Variants in MACROD2 observed in about 807,000 individuals in gnomAD.
MACROD2 encodes the protein mono-ADP ribosylhydrolase 2, also known as ADP-ribose glycohydrolase MACROD2.
A neutral mutation model predicts 70.4 loss-of-function variants in MACROD2; 36 were observed. The observed-to-expected ratio is 0.51, with a 90% confidence interval of 0.39 to 0.68. MACROD2 has a LOEUF of 0.68. MACROD2 is among the 30% of genes least tolerant of loss of function. MACROD2 has a pLI of 0.00. For synonymous variants in MACROD2, 172 were observed against 178.8 expected, an observed-to-expected ratio of 0.96 and a Z score of 0.30; for missense variants, 496 against 538.4, an observed-to-expected ratio of 0.92 and a Z score of 0.78.
intron 4 of MACROD2, among the ~76,000 whole-genome samples, chr20:14,505,717 G>A (rs983409056): frequency 1.1e-4 from 16 of 152,246 alleles, no homozygotes; most frequent in African/African-American, 3.1e-4. Context: ...AACAAGTTCC[G>A]TTTTAATGCT....
At chr20:15,844,262 A>T (rs2064205126) in intron 8 of MACROD2, among the ~76,000 whole-genome samples, 1 of 152,066 alleles carries the variant, frequency 6.6e-6, no homozygotes, top group African/African-American at 2.4e-5. Flanking sequence ...GAGAGATGCT[A>T]TGGTAATATA....
At chr20:16,027,360 C>T (rs2067095237) in intron 15 of MACROD2, among the ~76,000 whole-genome samples, 1 of 152,140 alleles carries the variant, frequency 6.6e-6, no homozygotes, top group African/African-American at 2.4e-5. Flanking sequence ...ATATTCAGAA[C>T]AAATTATGCT....
chr20:15,036,930 A>T (rs1221227922), intron 5 of MACROD2, among the ~76,000 whole-genome samples: 1 of 151,578 alleles, frequency 6.6e-6, no homozygotes, highest in African/African-American at 2.4e-5. Context: ...TAAATAATGT[A>T]ATCAATATTT....
At chr20:15,820,105 G>A (rs763843199) in intron 8 of MACROD2, among the ~76,000 whole-genome samples, 7 of 151,860 alleles carry the variant, frequency 4.6e-5, no homozygotes, top group Non-Finnish European at 1.0e-4. Context: ...TAGGAGAAGC[G>A]ACACTGTGTG....
At chr20:15,918,624 T>G (rs918152803) in intron 10 of MACROD2, among the ~76,000 whole-genome samples, 44 of 152,232 alleles carry the variant, frequency 2.9e-4, no homozygotes, top group Admixed American at 6.5e-5. Context: ...CAAGATCATC[T>G]GACATTAGTA....
intron 4 of MACROD2, among the ~76,000 whole-genome samples, chr20:14,574,386 T>C (rs1178175687): frequency 6.6e-6 from 1 of 152,148 alleles, no homozygotes; most frequent in Non-Finnish European, 1.5e-5. Flanking sequence ...CATTCATTCA[T>C]TCATTCATTC....
chr20:15,213,130 A>C (rs946917042), intron 5 of MACROD2, among the ~76,000 whole-genome samples: 2 of 152,218 alleles, frequency 1.3e-5, no homozygotes, highest in Non-Finnish European at 2.9e-5. Context: ...AGCCCATGCT[A>C]CACTGCTACC....
In MACROD2 at chr20:15,810,612, A is replaced by G. The variant is rs879264712; in HGVS notation, c.646-52133A>G. Among the ~76,000 whole-genome samples the G allele has an allele frequency of 5.7e-3, 870 of 152,356 alleles. 7 individuals carry two copies. Among genetic ancestry groups the G allele is most frequent in the Non-Finnish European group, 7.7e-3 (522 of 68,040 alleles). ...TTTAAAGTTCATATGGCACCAAAAA[A>G]GAGCCCGCATTGCCAAGTCAATCCT... On this transcript the variant is annotated intron_variant, in intron 8 of 17. Coordinates refer to ENST00000684519, the MANE Select transcript of MACROD2 (RefSeq NM_001351661.2).
At chr20:14,058,255 G>A (rs2053652627) in intron 2 of MACROD2, among the ~76,000 whole-genome samples, 1 of 152,006 alleles carries the variant, frequency 6.6e-6, no homozygotes, top group African/African-American at 2.4e-5. Context: ...TACTGCTTTA[G>A]TGTGAGGATA....
intron 15 of MACROD2, among the ~76,000 whole-genome samples, chr20:16,014,578 G>A (rs775106): frequency 0.22 from 33,867 of 152,116 alleles, 3,866 homozygotes; most frequent in South Asian, 0.3. Flanking sequence ...TGCTAGGGAA[G>A]ACTCTGATCA....
chr20:15,068,387 T>C (rs1346002598), intron 5 of MACROD2, among the ~76,000 whole-genome samples: 1 of 152,152 alleles, frequency 6.6e-6, no homozygotes, highest in African/African-American at 2.4e-5. Flanking sequence ...ACAGAACAAA[T>C]GCAGAAATGT....
intron 3 of MACROD2, among the ~76,000 whole-genome samples, chr20:14,440,861 A>G (rs1032593837): frequency 6.6e-6 from 1 of 152,136 alleles, no homozygotes; most frequent in African/African-American, 2.4e-5. Flanking sequence ...CCTCTATTCC[A>G]TAGAGTACCT....
chr20:15,093,396 T>C lies in MACROD2; in HGVS notation c.419-136544T>C, dbSNP rs2075806324. On this transcript the variant is annotated intron_variant, in intron 5 of 17. Transcript: ENST00000684519. ...ATTGTCCTTTTGTGATATCTTGCAC[T>C]TTTTCATTTTTATTTTTTCTTCTTT... Among the ~76,000 whole-genome samples the C allele has an allele frequency of 2.0e-5, 3 of 152,152 alleles. 1 individual carries two copies. The highest frequency in any genetic ancestry group is 2.0e-4 in the Admixed American group (3 of 15,274).
At chr20:15,856,406 T>C (rs1005830397) in intron 8 of MACROD2, among the ~76,000 whole-genome samples, 2 of 152,208 alleles carry the variant, frequency 1.3e-5, no homozygotes, top group Non-Finnish European at 2.9e-5. Context: ...TGCTTTTGTT[T>C]TTCTTTTTTA....
chr20:14,829,366 G>T (rs1426570137), intron 5 of MACROD2, among the ~76,000 whole-genome samples: 1 of 151,626 alleles, frequency 6.6e-6, no homozygotes, highest in African/African-American at 2.4e-5. Flanking sequence ...TCCTGACCTC[G>T]TGATCCACCC....
intron 8 of MACROD2, among the ~76,000 whole-genome samples, chr20:15,828,801 T>A (rs2064024465): frequency 6.6e-6 from 1 of 152,238 alleles, no homozygotes; most frequent in Non-Finnish European, 1.5e-5. Flanking sequence ...AAAAACTGGT[T>A]AACATTTAGT....
chr20:15,559,519 A>C (rs2048214765), intron 8 of MACROD2, among the ~76,000 whole-genome samples: 1 of 152,168 alleles, frequency 6.6e-6, no homozygotes, highest in African/African-American at 2.4e-5. Context: ...TATTCTTGCC[A>C]CCCCATAAAA....
intron 5 of MACROD2, among the ~76,000 whole-genome samples, chr20:14,824,470 T>A (rs187886561): frequency 6.6e-6 from 1 of 152,164 alleles, no homozygotes; most frequent in Admixed American, 6.5e-5. Context: ...CCATGTGCCA[T>A]CAGATGGGAT....
At chr20:16,025,091 G>C (rs567416759) in intron 15 of MACROD2, among the ~76,000 whole-genome samples, 4 of 152,314 alleles carry the variant, frequency 2.6e-5, no homozygotes, top group African/African-American at 9.6e-5. Flanking sequence ...ACATGAACAA[G>C]AAAAGGATTA....
Sources: allele counts gnomAD v4.1 joint callset (sites outside exome capture counted in the v4.1 genomes callset), GRCh38; gene constraint gnomAD v4.1.1; transcripts MANE v1.5; gene names NCBI Gene and HGNC (gene_info 2026-07-23, HGNC 2026-07-21).